Variants in COL18A1 observed in about 807,000 individuals in gnomAD.
COL18A1 encodes the protein collagen alpha-1(XVIII) chain.
Under a neutral mutation model 168.0 loss-of-function variants are expected in COL18A1, and 133 were observed. The observed-to-expected ratio is 0.79, with a 90% CI of 0.69 to 0.91. COL18A1 has a LOEUF of 0.91. COL18A1 is among the 40% of genes least tolerant of loss of function. The probability of loss-of-function intolerance (pLI) is 0.00; values close to 1 mark genes in which losing one functional copy is unlikely to be tolerated. For missense variants in COL18A1, 2,126 were observed against 1,925.4 expected (o/e 1.10, Z -1.95); for synonymous variants, 949 against 809.0 (o/e 1.17, Z -2.94).
intron 2 of COL18A1, among the ~76,000 whole-genome samples, chr21:45,412,790 G>A (rs572191423): frequency 2.6e-5 from 4 of 152,320 alleles, no homozygotes; most frequent in Non-Finnish European, 4.4e-5. Flanking sequence ...AGCTGTTAGC[G>A]TCTTGACTCT....
chr21:45,492,473 G>A (rs1602543936), intron 22 of COL18A1, 62 bp from the exon 23 acceptor site: 16 of 1,592,962 alleles, frequency 1.0e-5, no homozygotes, highest in Non-Finnish European at 1.2e-5. Context: ...TAAGTCGCTC[G>A]AGTCCAGTTG....
At chr21:45,483,725 G>A (rs1307394622) in intron 15 of COL18A1, among the ~76,000 whole-genome samples, 2 of 152,194 alleles carry the variant, frequency 1.3e-5, no homozygotes, top group African/African-American at 2.4e-5. Context: ...CCCAGAACAT[G>A]GCCAAGCTCC....
chr21:45,496,979 G>T, intron 30 of COL18A1, 71 bp from the exon 31 acceptor site: 1 of 1,033,552 alleles, frequency 9.7e-7, no homozygotes. Flanking sequence ...TGGGCTTGGG[G>T]ACCCCTGAGT....
chr21:45,414,997 T>C (rs2123517739), intron 2 of COL18A1, among the ~76,000 whole-genome samples: 1 of 152,184 alleles, frequency 6.6e-6, no homozygotes, highest in Middle Eastern at 3.4e-3. Context: ...GACCAGGAAG[T>C]GGGTTCCCCC....
At position 45,457,059 on chromosome 21, in the gene COL18A1, C is replaced by T. The variant is rs73909564; in HGVS notation, c.107-11183C>T. Among the ~76,000 whole-genome samples, 617 of 152,238 alleles carry T rather than the reference C, an allele frequency of 4.1e-3. 6 individuals carry two copies. Among genetic ancestry groups the T allele is most frequent in the African/African-American group, 0.014 (569 of 41,546 alleles). ...GAGGCCTCCTGTGTGGGGAGGAGGC[C>T]GGCGTCTGGACAGGAAGAGGGCTGG... is the stretch of plus-strand genomic sequence containing the variant. On this transcript the variant is annotated intron_variant, in intron 2 of 41. Coordinates refer to ENST00000651438, the MANE Select transcript of COL18A1 (RefSeq NM_001379500.1). This position sits in a 1 kb window ranked among gnomAD's most constrained non-coding sequence, Gnocchi z 4.6.
chr21:45,454,978 CGA>C (rs1386757965), intron 2 of COL18A1, among the ~76,000 whole-genome samples: 2 of 152,336 alleles, frequency 1.3e-5, no homozygotes, highest in East Asian at 3.9e-4. Context: ...CTGAGCCCCT[CGA>C]GACCCTCCCC....
At chr21:45,434,895 C>G (rs2034059266) in intron 2 of COL18A1, among the ~76,000 whole-genome samples, 1 of 152,144 alleles carries the variant, frequency 6.6e-6, no homozygotes, top group Non-Finnish European at 1.5e-5. Flanking sequence ...ACAGCCGGTC[C>G]TAGACCAGGC....
At chr21:45,507,762 TGTCTCAGCGCTGGCCCCCCAGTACCTCC>T (rs1467007257) in intron 38 of COL18A1, among the ~76,000 whole-genome samples, 169 bp downstream of exon 38, 1 of 152,198 alleles carries the variant, frequency 6.6e-6, no homozygotes. Flanking sequence ...CCACTACCTC[TGTCTCAGCGCTGGCCCCCCAGTACCTCC>T]GTCTCAGCTG....
At position 45,494,415 on chromosome 21, in the gene COL18A1, C is replaced by T. The variant is rs541598142; in HGVS notation, c.2353-130C>T. The stretch of plus-strand genomic sequence containing the variant: ...AGTGCACCCAAAGGGACCACAGCGG[C>T]CCTTAGGGAGGCTATCAGGTGGGGC... On this transcript the variant is annotated intron_variant, in intron 26 of 41. Coordinates refer to ENST00000651438, the MANE Select transcript of COL18A1 (RefSeq NM_001379500.1). 14 of 1,345,196 alleles carry T rather than the reference C, an allele frequency of 1.0e-5. No homozygotes were observed. The Admixed American group carries it at 2.3e-4, about 22-fold the overall frequency. The allele number at this position is 1,345,196 out of a possible 1,614,324, so 83.3% of individuals were successfully genotyped here.
At chr21:45,418,762 C>T (rs1388433164) in intron 2 of COL18A1, among the ~76,000 whole-genome samples, 1 of 152,238 alleles carries the variant, frequency 6.6e-6, no homozygotes, top group Admixed American at 6.5e-5. Context: ...CCTCAGGGGC[C>T]TCCAAGGCTG....
rs773348550 is a variant in COL18A1, at chr21:45,411,233, G to A, written c.106+5760G>A. On this transcript the variant is annotated intron_variant, in intron 2 of 41. Coordinates refer to ENST00000651438, the MANE Select transcript of COL18A1 (RefSeq NM_001379500.1). ...CGTCTGCAGTGGCTCTGCCTTCCCC[G>A]ATGCCAGGTGACCCCATGGAGCCAG... is the stretch of plus-strand genomic sequence containing the variant. Among the ~76,000 whole-genome samples, 11 of 152,246 alleles carry A rather than the reference G, an allele frequency of 7.2e-5. 1 individual carries two copies. Among genetic ancestry groups the A allele is most frequent in the South Asian group, 6.2e-4 (3 of 4,820 alleles).
rs1055700073 is a variant in COL18A1, at chr21:45,473,470, G to A, written c.652-425G>A. ...GCCATGGTGCCACCTCGGTTGGTCC[G>A]AGTCGGGAGATGAGGCCGCCTGGTG... On this transcript the variant is annotated intron_variant, in intron 3 of 41. Coordinates refer to ENST00000651438, the MANE Select transcript of COL18A1 (RefSeq NM_001379500.1). The surrounding 1 kb of genome is among the most constrained non-coding windows in gnomAD (Gnocchi z 4.0). Among the ~76,000 whole-genome samples the A allele has an allele frequency of 6.6e-6, 1 of 152,234 alleles. No individual in the cohort carries two copies. The highest frequency in any genetic ancestry group is 1.5e-5 in the Non-Finnish European group (1 of 68,046).
At chr21:45,495,597 T>C (rs944970135) in intron 29 of COL18A1, 165 bp downstream of exon 29, 23 of 545,848 alleles carry the variant, frequency 4.2e-5, no homozygotes, top group Middle Eastern at 4.2e-4. Context: ...CAGTCATACA[T>C]GTCCACACAC....
chr21:45,452,117 C>CTTT (rs2145840458), intron 2 of COL18A1, among the ~76,000 whole-genome samples: 1 of 152,386 alleles, frequency 6.6e-6, no homozygotes, highest in East Asian at 1.9e-4. Flanking sequence ...AACCCTGGTC[C>CTTT]GCACTGCTCA....
chr21:45,439,642 G>A (rs909577040), intron 2 of COL18A1, among the ~76,000 whole-genome samples: 2 of 152,218 alleles, frequency 1.3e-5, no homozygotes, highest in African/African-American at 2.4e-5. Context: ...TCCTGTGCGC[G>A]GGGCCTCCGG....
intron 11 of COL18A1, 50 bp from the exon 12 acceptor site, chr21:45,480,417 G>GC (rs1278569471): frequency 1.7e-5 from 28 of 1,606,870 alleles, no homozygotes; most frequent in Non-Finnish European, 2.4e-5. Flanking sequence ...GAGTAGGCCA[G>GC]GCGGGGGGCC....
Position 45,505,793 on chromosome 21 carries a change from C to T in COL18A1, c.3088-45C>T, listed in dbSNP as rs780025189. 56 of 1,428,016 alleles carry T rather than the reference C, an allele frequency of 3.9e-5. No homozygotes were observed. The Middle Eastern group carries it at 9.6e-4, about 25-fold the overall frequency. The allele number at this position is 1,428,016 out of a possible 1,614,324, so 88.5% of individuals were successfully genotyped here. ...ATTCCTTCCTTCCGCCCCTGCCCCCCGCCCTCCCCGCCAAGCCCCACACCT... is the reference window on the plus strand; with the variant it reads ...ATTCCTTCCTTCCGCCCCTGCCCCCTGCCCTCCCCGCCAAGCCCCACACCT... On this transcript the variant is annotated intron_variant, in intron 36 of 41. Coordinates refer to ENST00000651438, the MANE Select transcript of COL18A1 (RefSeq NM_001379500.1).
intron 2 of COL18A1, among the ~76,000 whole-genome samples, chr21:45,445,769 C>T (rs756245226): frequency 1.1e-4 from 17 of 152,180 alleles, no homozygotes; most frequent in Admixed American, 3.3e-4. Context: ...ATGTCTATTC[C>T]GATTCTTGCC....
intron 2 of COL18A1, chr21:45,422,684 C>G: frequency 3.2e-6 from 1 of 316,310 alleles, no homozygotes; most frequent in Non-Finnish European, 6.3e-6. Flanking sequence ...GGGGAGGTAG[C>G]GGCCCCAGGT....
Sources: gnomAD v4.1 joint callset for allele counts (sites outside exome capture counted in the v4.1 genomes callset) on GRCh38, gnomAD v4.1.1 for gene constraint, Gnocchi (gnomAD v3.1) non-coding constraint, MANE v1.5 for transcripts, NCBI Gene and HGNC (gene_info 2026-07-23, HGNC 2026-07-21) for gene names.